Variants in DARS2 observed in about 807,000 individuals in gnomAD.
The protein encoded by DARS2 is aspartyl-tRNA synthetase 2, mitochondrial, also known as aspartate--tRNA ligase, mitochondrial.
Under a neutral mutation model 83.0 loss-of-function variants are expected in DARS2, and 63 were observed. That is an observed-to-expected ratio of 0.76 (90% CI 0.62 to 0.94). DARS2 has a LOEUF of 0.94. DARS2 is among the 40% of genes least tolerant of loss of function. DARS2 has a pLI of 0.00. For synonymous variants in DARS2, 250 were observed against 269.3 expected (o/e 0.93, Z 0.70); for missense variants, 675 against 774.4 (o/e 0.87, Z 1.52).
At position 173,850,440 on chromosome 1, in the gene DARS2, A is replaced by C. The variant is rs763171850; in HGVS notation, c.1305A>C (p.Glu435Asp). 2 of 1,613,906 alleles carry C rather than the reference A, an allele frequency of 1.2e-6. No homozygotes were observed. The highest frequency in any genetic ancestry group is 1.7e-6 in the Non-Finnish European group (2 of 1,179,942). Residue 435 changes from glutamate to aspartate, a missense_variant, in exon 13 of 17, where the codon GAA becomes GAC. Coordinates refer to ENST00000649689, the MANE Select transcript of DARS2 (RefSeq NM_018122.5). ...TCAGACTAATGGAGACCCAAGAGGA[A>C]GATGTGGTCCTACTAACTGCTGGAG... Reference protein sequence around the residue: ...ELIRLMETQEEDVVLLTAGEH... With the variant: ...ELIRLMETQEDDVVLLTAGEH...
chr1:173,849,003 A>AT (rs1171404228), intron 12 of DARS2, among the ~76,000 whole-genome samples: 27 of 150,670 alleles, frequency 1.8e-4, no homozygotes, highest in Non-Finnish European at 2.7e-4. Context: ...CTTCTGTTGA[A>AT]TTTTTTTTTA....
rs757329739 is a variant in DARS2 at position 173,856,725 on chromosome 1, T to C, written c.1734T>C (p.His578=). ...LQALDYGAPP[H]GGIALGLDRL... is the part of the protein sequence containing the mutation. The stretch of plus-strand genomic sequence containing the variant: ...CTTTAGATTATGGGGCACCCCCTCA[T>C]GGAGGAATTGCCTTAGGTAAACAAC... Residue 578 remains histidine (H), a synonymous_variant, in exon 16 of 17, where the codon CAT becomes CAC. Coordinates refer to ENST00000649689, the MANE Select transcript of DARS2 (RefSeq NM_018122.5). 1.2e-6 allele frequency: 2 copies of C among 1,613,994 alleles called. No individual in the cohort carries two copies. Among genetic ancestry groups the C allele is most frequent in the East Asian group, 2.2e-5 (1 of 44,862 alleles).
rs1379476102 is a variant in DARS2 at position 173,834,740 on chromosome 1, T to TTTTG, written c.663+224_663+225insGTTT. 4.9e-4 allele frequency among the ~76,000 whole-genome samples: 64 copies of TTTTG among 131,068 alleles called. 2 individuals carry two copies. The highest frequency in any genetic ancestry group is 2.1e-3 in the African/African-American group (63 of 29,576). The allele number at this position is 131,068 out of a possible 152,430, so 86.0% of individuals were successfully genotyped here. ...TTCCTTTGAGTTTTTTTGTTTTTTT[T>TTTTG]TTTTTTTTTTTTTTTTTGGTTTGTT... On this transcript the variant is annotated intron_variant, in intron 7 of 16. Transcript: ENST00000649689.
intron 10 of DARS2, among the ~76,000 whole-genome samples, chr1:173,840,199 C>T (rs576732749): frequency 7.2e-5 from 11 of 152,298 alleles, no homozygotes; most frequent in Admixed American, 5.2e-4. Context: ...GCCAACTCAA[C>T]TACTTCTTGT....
In DARS2 at chr1:173,857,994, T is replaced by G; in HGVS notation, c.*289T>G. The G allele has an allele frequency of 2.5e-6, 1 of 404,556 alleles. No homozygotes were observed. The highest frequency in any genetic ancestry group is 4.7e-6 in the Non-Finnish European group (1 of 214,486). 25.1% of individuals were successfully genotyped at this position (404,556 alleles called of 1,614,324 possible). A position where few individuals can be genotyped will look rare whatever the true frequency, so the allele number is the denominator to read the frequency against. ...TGAAATAATATAGTGGTTTAGTGTT[T>G]TCAAATCATGTTTCTCATACCCAGA... On this transcript the variant is annotated 3_prime_UTR_variant, in exon 17 of 17. Transcript: ENST00000649689.
chr1:173,832,046 A>G (rs1652813339), intron 5 of DARS2, among the ~76,000 whole-genome samples: 1 of 152,226 alleles, frequency 6.6e-6, no homozygotes, highest in South Asian at 2.1e-4. Context: ...TCCCAAGCAT[A>G]TAAATATAAA....
In DARS2 at chr1:173,826,712, C is replaced by T; in HGVS notation, c.153C>T (p.Thr51=). Residue 51 remains threonine (T), a synonymous_variant, in exon 2 of 17, where the codon ACC becomes ACT. Coordinates refer to ENST00000649689, the MANE Select transcript of DARS2 (RefSeq NM_018122.5). ...IPEFSSFVVR[T]NTCGELRSSH... ...AATTCAGTAGCTTTGTTGTCCGGACCAACACATGTGGAGAGTTGCGTTCGT... is the reference window on the plus strand; with the variant it reads ...AATTCAGTAGCTTTGTTGTCCGGACTAACACATGTGGAGAGTTGCGTTCGT... 6.2e-7 allele frequency: 1 copy of T among 1,610,688 alleles called. No homozygotes were observed. Among genetic ancestry groups the T allele is most frequent in the Non-Finnish European group, 8.5e-7 (1 of 1,179,050 alleles).
chr1:173,833,861 C>G (rs113685558), intron 6 of DARS2, among the ~76,000 whole-genome samples: 13,657 of 151,576 alleles, frequency 0.09, 1,967 homozygotes, highest in African/African-American at 0.31. Flanking sequence ...TTAGGCTTAA[C>G]CGATCCTCCC....
chr1:173,836,356 A>G (rs937271994), intron 7 of DARS2, among the ~76,000 whole-genome samples: 37 of 152,062 alleles, frequency 2.4e-4, no homozygotes, highest in Admixed American at 9.8e-4. Flanking sequence ...CCTGGCCAAC[A>G]TGGCGAAACC....
intron 15 of DARS2, among the ~76,000 whole-genome samples, chr1:173,855,345 A>G (rs1247441134): frequency 1.3e-5 from 2 of 151,904 alleles, no homozygotes; most frequent in South Asian, 2.1e-4. Flanking sequence ...CAAGAGATCC[A>G]CCCGCCTTGG....
Position 173,850,448 on chromosome 1 carries a change from T to C in DARS2, c.1313T>C (p.Val438Ala), listed in dbSNP as rs1364686099. The part of the protein sequence containing the change: ...RLMETQEEDV[V>A]LLTAGEHNKA... ...ATGGAGACCCAAGAGGAAGATGTGG[T>C]CCTACTAACTGCTGGAGAGCACAAT... The change falls in exon 13 of 17, where the codon GTC (valine) becomes GCC (alanine). Residue 438 changes from valine (V) to alanine (A), a missense_variant. Val to Ala is a moderately conservative substitution (Grantham distance 64, BLOSUM62 0). Coordinates refer to ENST00000649689, the MANE Select transcript of DARS2 (RefSeq NM_018122.5). The C allele has an allele frequency of 6.2e-7, 1 of 1,613,998 alleles. No individual in the cohort carries two copies.
At chr1:173,825,460 T>TTATTATTATTATTAG (rs1652468343) in intron 1 of DARS2, 104 bp downstream of exon 1, 1 of 515,024 alleles carries the variant, frequency 1.9e-6, no homozygotes, top group East Asian at 7.2e-5. Context: ...ATTATTATTA[T>TTATTATTATTATTAG]TATTATTATT....
chr1:173,842,865 T>G (rs1258288007), intron 11 of DARS2, among the ~76,000 whole-genome samples: 2 of 145,384 alleles, frequency 1.4e-5, no homozygotes, highest in African/African-American at 5.2e-5. Flanking sequence ...TTGAGCCCAG[T>G]AGGCAGAGGT....
chr1:173,842,660 G>A (rs1653274469), intron 11 of DARS2, among the ~76,000 whole-genome samples: 1 of 150,652 alleles, frequency 6.6e-6, no homozygotes, highest in South Asian at 2.1e-4. Context: ...TTGTCATGCG[G>A]GGCACGGTAG....
rs1653747062 is a variant in DARS2 at position 173,853,387 on chromosome 1, C to A, written c.1383C>A (p.Asp461Glu). The change falls in exon 14 of 17, where the codon GAC becomes GAA. Residue 461 changes from aspartate to glutamate, a missense_variant. Asp to Glu is a conservative substitution (Grantham distance 45). Transcript: ENST00000649689. Reference sequence around the variant, plus strand: ...GAAAATTACGACTGGAATGTGCTGACCTTCTAGAAACAAGAGGAGTGGTGC... The same window carrying A: ...GAAAATTACGACTGGAATGTGCTGAACTTCTAGAAACAAGAGGAGTGGTGC... ...LLGKLRLECA[D>E]LLETRGVVLR... The A allele has an allele frequency of 3.7e-6, 6 of 1,613,874 alleles. No homozygotes were observed. Among genetic ancestry groups the A allele is most frequent in the Middle Eastern group, 3.3e-4 (2 of 6,034 alleles).
intron 10 of DARS2, 131 bp from the exon 11 acceptor site, chr1:173,840,735 A>C: frequency 1.5e-6 from 1 of 668,106 alleles, no homozygotes; most frequent in Non-Finnish European, 2.7e-6. Context: ...CATGGTAAAC[A>C]CTCTTTGAAT....
chr1:173,853,474 G>A lies in DARS2; in HGVS notation c.1470G>A (p.Lys490=). The stretch of plus-strand genomic sequence containing the variant: ...TAGATTTCCCACTCTTCCTGCCCAA[G>A]GAGGAAAATCCCAGAGAGCTGGAAT... ...WVVDFPLFLP[K]EENPRELESA... Residue 490 remains lysine (K), a synonymous_variant, in exon 14 of 17, where the codon AAG becomes AAA. Transcript: ENST00000649689. The A allele has an allele frequency of 6.2e-7, 1 of 1,614,086 alleles. No homozygotes were observed. The highest frequency in any genetic ancestry group is 8.5e-7 in the Non-Finnish European group (1 of 1,180,032).
intron 11 of DARS2, among the ~76,000 whole-genome samples, chr1:173,842,398 G>A (rs896888661): frequency 4.3e-5 from 6 of 139,300 alleles, no homozygotes; most frequent in Admixed American, 7.8e-5. Context: ...TCCCAGGTTC[G>A]AGCGATTTTC....
intron 15 of DARS2, among the ~76,000 whole-genome samples, chr1:173,855,439 C>T (rs1199415007): frequency 6.6e-6 from 1 of 151,936 alleles, no homozygotes; most frequent in East Asian, 1.9e-4. Context: ...TTCAAAGCCT[C>T]CAATCACCCA....
Sources: gnomAD v4.1 joint callset for allele counts (sites outside exome capture counted in the v4.1 genomes callset) on GRCh38, gnomAD v4.1.1 for gene constraint, MANE v1.5 for transcripts, NCBI Gene and HGNC (gene_info 2026-07-23, HGNC 2026-07-21) for gene names.